The following CNTN4 variants were observed in gnomAD, a reference collection of about 807,000 sequenced individuals.
CNTN4 encodes contactin-4.
Under a neutral mutation model 122.5 loss-of-function variants are expected in CNTN4, and 77 were observed. The ratio of observed to expected loss-of-function variants is 0.63; its 90% CI spans 0.52 to 0.76. The LOEUF (loss-of-function observed/expected upper bound fraction) is 0.76, where lower values mean the gene tolerates loss of function less well. Among genes scored for constraint, CNTN4 ranks in the 30% least tolerant of loss-of-function variants. CNTN4 has a pLI of 0.00. For missense variants in CNTN4, 1,256 were observed against 1,259.1 expected, an observed-to-expected ratio of 1.00 and a Z score of 0.04; for synonymous variants, 512 against 447.0, an observed-to-expected ratio of 1.15 and a Z score of -1.83.
Position 3,034,670 on chromosome 3 carries a change from A to T in CNTN4, c.1822A>T (p.Ile608Phe). The T allele has an allele frequency of 6.2e-7, 1 of 1,614,132 alleles. No individual in the cohort carries two copies. The highest frequency in any genetic ancestry group is 1.3e-5 in the African/African-American group (1 of 75,034). The change falls in exon 17 of 25, where the codon ATC becomes TTC. Residue 608 changes from isoleucine (I) to phenylalanine (F), a missense_variant. Transcript: ENST00000418658. Reference protein sequence around the residue: ...GPPEAVTIDEITDTTAQLSWR... With the variant: ...GPPEAVTIDEFTDTTAQLSWR... ...CCCAGAGGCTGTGACAATAGACGAAATCACAGATACCACTGCTCAGCTCTC... is the reference window on the plus strand; with the variant it reads ...CCCAGAGGCTGTGACAATAGACGAATTCACAGATACCACTGCTCAGCTCTC...
At chr3:2,307,925 A>G (rs2042778946) in intron 2 of CNTN4, among the ~76,000 whole-genome samples, 1 of 152,136 alleles carries the variant, frequency 6.6e-6, no homozygotes, top group African/African-American at 2.4e-5. Flanking sequence ...GTATCATGGT[A>G]ATAATGGGCT....
intron 6 of CNTN4, among the ~76,000 whole-genome samples, chr3:2,778,254 A>C (rs1171796739): frequency 4.0e-5 from 6 of 149,828 alleles, no homozygotes; most frequent in Admixed American, 4.0e-4. Flanking sequence ...ATAAATAAAT[A>C]AAATAAAGAA....
chr3:2,451,355 C>A (rs968978111), intron 3 of CNTN4, among the ~76,000 whole-genome samples: 3 of 151,444 alleles, frequency 2.0e-5, no homozygotes, highest in Non-Finnish European at 4.4e-5. Flanking sequence ...TGGGGCATCA[C>A]CAGCAAGCTT....
intron 2 of CNTN4, among the ~76,000 whole-genome samples, chr3:2,311,859 G>C (rs945826482): frequency 2.6e-5 from 4 of 152,068 alleles, no homozygotes; most frequent in Admixed American, 2.6e-4. Context: ...AAAACTCTTT[G>C]TCCTTCATTT....
rs1234334638 is a variant in CNTN4, at chr3:2,773,762, C to CTTTTT, written c.358+28077_358+28081dup. Among the ~76,000 whole-genome samples the CTTTTT allele has an allele frequency of 1.9e-4, 20 of 107,518 alleles. 1 individual carries two copies. The highest frequency in any genetic ancestry group is 3.5e-4 in the African/African-American group (10 of 28,806). 70.5% of individuals were successfully genotyped at this position (107,518 alleles called of 152,430 possible). Reference sequence around the variant, plus strand: ...GAAGCCTTCATCTCAATGTAGTAGACTTTTTTTTTTTTTTTTGAGACGGAG... The same window carrying CTTTTT: ...GAAGCCTTCATCTCAATGTAGTAGACTTTTTTTTTTTTTTTTTTTTTGAGACGGAG... On this transcript the variant is annotated intron_variant, in intron 6 of 24. Transcript: ENST00000418658.
chr3:2,117,201 A>G (rs938030254), intron 2 of CNTN4, among the ~76,000 whole-genome samples: 3 of 152,100 alleles, frequency 2.0e-5, no homozygotes, highest in Non-Finnish European at 4.4e-5. Flanking sequence ...TGTTCCCGCA[A>G]CCTCCTCCTT....
chr3:2,675,524 G>A (rs963257101), intron 4 of CNTN4, among the ~76,000 whole-genome samples: 2 of 152,056 alleles, frequency 1.3e-5, no homozygotes, highest in African/African-American at 2.4e-5. Flanking sequence ...GTTTATTTAT[G>A]TTTCCATTTA....
At chr3:2,250,482 G>A (rs537436314) in intron 2 of CNTN4, among the ~76,000 whole-genome samples, 3 of 151,900 alleles carry the variant, frequency 2.0e-5, no homozygotes, top group Admixed American at 6.6e-5. Context: ...CATTTCTATA[G>A]CATTGTAGGA....
intron 16 of CNTN4, 27 bp from the exon 17 acceptor site, chr3:3,034,605 A>T: frequency 6.2e-7 from 1 of 1,613,704 alleles, no homozygotes; most frequent in Non-Finnish European, 8.5e-7. Flanking sequence ...ACACTGCTCC[A>T]ATTCTGGGGG....
chr3:2,909,249 G>A (rs759194656), intron 12 of CNTN4, among the ~76,000 whole-genome samples: 2 of 152,168 alleles, frequency 1.3e-5, no homozygotes, highest in South Asian at 2.1e-4. Flanking sequence ...CATGAAGAGG[G>A]GAGCTGTGCA....
intron 4 of CNTN4, among the ~76,000 whole-genome samples, chr3:2,600,910 G>C (rs1454186449): frequency 6.6e-6 from 1 of 152,138 alleles, no homozygotes; most frequent in Non-Finnish European, 1.5e-5. Context: ...GTGTGAGATG[G>C]TATCTCATTG....
At chr3:2,148,607 T>C (rs1283352603) in intron 2 of CNTN4, among the ~76,000 whole-genome samples, 1 of 152,142 alleles carries the variant, frequency 6.6e-6, no homozygotes, top group Non-Finnish European at 1.5e-5. Flanking sequence ...GTTTTAAATA[T>C]ACACTGTTTC....
At chr3:2,235,352 C>G (rs1239041638) in intron 2 of CNTN4, among the ~76,000 whole-genome samples, 2 of 152,132 alleles carry the variant, frequency 1.3e-5, no homozygotes, top group Non-Finnish European at 2.9e-5. Context: ...GTTACAAACA[C>G]AGAACCTCAA....
chr3:2,939,940 A>G (rs2094598655), intron 13 of CNTN4, among the ~76,000 whole-genome samples: 1 of 152,180 alleles, frequency 6.6e-6, no homozygotes, highest in African/African-American at 2.4e-5. Context: ...TATTTACACC[A>G]TGGAAATAGG....
At chr3:2,279,494 G>C (rs1030116074) in intron 2 of CNTN4, among the ~76,000 whole-genome samples, 1 of 152,144 alleles carries the variant, frequency 6.6e-6, no homozygotes, top group South Asian at 2.1e-4. Context: ...TGACACGTGC[G>C]AGACATTCTG....
At chr3:2,123,041 G>A (rs2125224111) in intron 2 of CNTN4, among the ~76,000 whole-genome samples, 1 of 152,254 alleles carries the variant, frequency 6.6e-6, no homozygotes, top group East Asian at 1.9e-4. Flanking sequence ...GCAAGTAGAA[G>A]CCAGGACAGT....
In CNTN4 at chr3:2,855,798, C is replaced by T. The variant is rs114176415; in HGVS notation, c.455-10954C>T. Among the ~76,000 whole-genome samples the T allele has an allele frequency of 2.2e-3, 336 of 152,262 alleles. 1 individual carries two copies. Among genetic ancestry groups the T allele is most frequent in the African/African-American group, 7.6e-3 (314 of 41,544 alleles). ...TTACTGAGTCCTTCTCATTCTTGGC[C>T]AGTCAGTCATATTTTCTTTCTGTCT... is the stretch of plus-strand genomic sequence containing the variant. On this transcript the variant is annotated intron_variant, in intron 7 of 24. Coordinates refer to ENST00000418658, the MANE Select transcript of CNTN4 (RefSeq NM_175607.3).
chr3:2,793,818 G>A (rs1310899042), intron 6 of CNTN4, among the ~76,000 whole-genome samples: 1 of 152,108 alleles, frequency 6.6e-6, no homozygotes, highest in East Asian at 1.9e-4. Context: ...AAATCATGTG[G>A]AACTTCAGAT....
chr3:2,548,662 T>A (rs1237023965), intron 3 of CNTN4, among the ~76,000 whole-genome samples: 1 of 152,028 alleles, frequency 6.6e-6, no homozygotes, highest in Non-Finnish European at 1.5e-5. Context: ...ATATGGGCTC[T>A]TTTTTTGGTT....
Sources: gnomAD v4.1 joint callset for allele counts (sites outside exome capture counted in the v4.1 genomes callset) on GRCh38, gnomAD v4.1.1 for gene constraint, MANE v1.5 for transcripts, NCBI Gene and HGNC (gene_info 2026-07-23, HGNC 2026-07-21) for gene names.